The following SYNGR1 variants were observed in gnomAD, a reference collection of about 807,000 sequenced individuals.
SYNGR1 encodes synaptogyrin-1.
Under a neutral mutation model 26.1 loss-of-function variants are expected in SYNGR1, and 14 were observed. The ratio of observed to expected loss-of-function variants is 0.54; its 90% CI spans 0.35 to 0.84. The LOEUF (loss-of-function observed/expected upper bound fraction) is 0.84. Among genes scored for constraint, SYNGR1 ranks in the 40% least tolerant of loss-of-function variants. The pLI is 0.01. For missense variants in SYNGR1, 319 were observed against 332.9 expected, an observed-to-expected ratio of 0.96 and a Z score of 0.33; for synonymous variants, 141 against 150.1, an observed-to-expected ratio of 0.94 and a Z score of 0.44.
chr22:39,380,263 A>G (rs556629751), intron 3 of SYNGR1, among the ~76,000 whole-genome samples: 7 of 151,924 alleles, frequency 4.6e-5, no homozygotes, highest in African/African-American at 1.4e-4. Flanking sequence ...GTTTCACTCT[A>G]TTTAACTCAG....
intron 3 of SYNGR1, chr22:39,377,157 C>A: frequency 6.8e-7 from 1 of 1,476,166 alleles, no homozygotes; most frequent in South Asian, 1.4e-5. Context: ...GGCCGCCAGC[C>A]GTCCCTGTTT....
rs1237109815 is a variant in SYNGR1 at position 39,350,593 on chromosome 22, G to A, written c.99+484G>A. Among the ~76,000 whole-genome samples, 1 of 152,164 alleles carries A rather than the reference G, an allele frequency of 6.6e-6. No individual in the cohort carries two copies. On this transcript the variant is annotated intron_variant, in intron 1 of 3. Coordinates refer to ENST00000328933, the MANE Select transcript of SYNGR1 (RefSeq NM_004711.5). This position sits in a 1 kb window ranked among gnomAD's most constrained non-coding sequence, Gnocchi z 4.3. ...GAGGAGAGGGCCGGGAACCGGGTTC[G>A]TATTGCCTAGCCCGGCCCGTGTGGA...
At chr22:39,352,237 C>T (rs1304110008) in intron 1 of SYNGR1, among the ~76,000 whole-genome samples, 4 of 152,244 alleles carry the variant, frequency 2.6e-5, no homozygotes, top group Non-Finnish European at 5.9e-5. Flanking sequence ...AACGACCCCA[C>T]AGCCTCCCAG....
chr22:39,378,851 G>T (rs1247832830), intron 3 of SYNGR1, among the ~76,000 whole-genome samples: 2 of 152,186 alleles, frequency 1.3e-5, no homozygotes, highest in Non-Finnish European at 2.9e-5. Context: ...CTGTCTTGTG[G>T]CCCCTTAAAC....
rs547883021 is a variant in SYNGR1, at chr22:39,375,533, C to T, written c.338-519C>T. The stretch of plus-strand genomic sequence containing the variant: ...TGTGGGGTCGCAGCACGTTAGAAGT[C>T]GAAGCCCAGACCCACCCAGCCAAGC... On this transcript the variant is annotated intron_variant, in intron 2 of 3. Transcript: ENST00000328933. The T allele has an allele frequency of 3.2e-5, 8 of 250,630 alleles. No homozygotes were observed. The South Asian group carries it at 6.5e-4, about 20-fold the overall frequency. The allele number at this position is 250,630 out of a possible 1,614,324, so 15.5% of individuals were successfully genotyped here. A position where few individuals can be genotyped will look rare whatever the true frequency, so the allele number is the denominator to read the frequency against.
Position 39,381,903 on chromosome 22 carries a change from C to T in SYNGR1, c.691C>T (p.Gln231Ter), listed in dbSNP as rs755677868. The T allele has an allele frequency of 1.9e-6, 3 of 1,611,176 alleles. No homozygotes were observed. The highest frequency in any genetic ancestry group is 2.5e-6 in the Non-Finnish European group (3 of 1,179,206). Residue 231 changes from glutamine (Q) to a stop codon, truncating the protein, a stop_gained, in exon 4 of 4, where the codon CAG becomes TAG. Transcript: ENST00000328933. LOFTEE classifies it high-confidence loss of function. Reference protein sequence around the residue: ...FDTEPQGYQSQGY With the variant: ...FDTEPQGYQS Reference sequence around the variant, plus strand: ...CACCGAGCCCCAGGGCTACCAGTCGCAGGGCTACTGAGCCACAGTGACCGC... The same window carrying T: ...CACCGAGCCCCAGGGCTACCAGTCGTAGGGCTACTGAGCCACAGTGACCGC...
intron 1 of SYNGR1, among the ~76,000 whole-genome samples, chr22:39,361,089 G>T (rs1924450798): frequency 6.6e-6 from 1 of 152,192 alleles, no homozygotes; most frequent in Admixed American, 6.5e-5. Flanking sequence ...AGCCTTCCTG[G>T]ATTCTCCCAA....
intron 3 of SYNGR1, among the ~76,000 whole-genome samples, chr22:39,380,200 C>T (rs896397851): frequency 3.3e-5 from 5 of 149,940 alleles, no homozygotes; most frequent in South Asian, 2.1e-4. Context: ...TCAGGCTAGG[C>T]GCGGTCACAT....
intron 1 of SYNGR1, among the ~76,000 whole-genome samples, chr22:39,369,739 G>A (rs1337975307): frequency 6.6e-6 from 1 of 152,224 alleles, no homozygotes; most frequent in Admixed American, 6.5e-5. Flanking sequence ...GTGATGGTGA[G>A]GCTGCAGAGC....
At chr22:39,376,915 C>T in intron 3 of SYNGR1, 6 of 1,536,266 alleles carry the variant, frequency 3.9e-6, no homozygotes, top group Non-Finnish European at 5.3e-6. Flanking sequence ...CAAAGTATGT[C>T]TCTGGGCCCA....
chr22:39,374,593 C>T, intron 2 of SYNGR1, 40 bp downstream of exon 2: 2 of 1,600,378 alleles, frequency 1.2e-6, no homozygotes, highest in African/African-American at 1.3e-5. Flanking sequence ...ACAGAGTCTA[C>T]AGAGGGCTGT....
intron 1 of SYNGR1, among the ~76,000 whole-genome samples, chr22:39,366,519 G>A (rs940136370): frequency 1.1e-4 from 17 of 151,998 alleles, no homozygotes; most frequent in African/African-American, 2.4e-4. Context: ...AGGAGCGCAC[G>A]GCTATAATCC....
At chr22:39,356,348 C>T (rs1924143671) in intron 1 of SYNGR1, among the ~76,000 whole-genome samples, 1 of 152,198 alleles carries the variant, frequency 6.6e-6, no homozygotes, top group Non-Finnish European at 1.5e-5. Flanking sequence ...AGCCATCTTG[C>T]CTGGCCTGAA....
intron 1 of SYNGR1, among the ~76,000 whole-genome samples, chr22:39,373,593 C>T (rs1406972945): frequency 6.6e-6 from 1 of 152,060 alleles, no homozygotes; most frequent in Non-Finnish European, 1.5e-5. Flanking sequence ...AGAGATCCTC[C>T]CCCTCATCTT....
At chr22:39,368,658 T>TCCTC (rs919596273) in intron 1 of SYNGR1, among the ~76,000 whole-genome samples, 13 of 152,198 alleles carry the variant, frequency 8.5e-5, no homozygotes, top group African/African-American at 3.1e-4. Flanking sequence ...TCTTAATGGT[T>TCCTC]CCTCCTCTGC....
intron 1 of SYNGR1, among the ~76,000 whole-genome samples, chr22:39,373,509 G>C (rs1314914989): frequency 6.6e-6 from 1 of 151,228 alleles, no homozygotes; most frequent in African/African-American, 2.4e-5. Flanking sequence ...TTGAGACAGA[G>C]CCTCTCTCTG....
chr22:39,368,877 G>T (rs1924892704), intron 1 of SYNGR1, among the ~76,000 whole-genome samples: 1 of 152,204 alleles, frequency 6.6e-6, no homozygotes, highest in Admixed American at 6.5e-5. Context: ...CTTTTCTGGG[G>T]CCTTGAGAGA....
chr22:39,368,570 T>C (rs553869483), intron 1 of SYNGR1, among the ~76,000 whole-genome samples: 2 of 152,300 alleles, frequency 1.3e-5, no homozygotes, highest in East Asian at 3.9e-4. Context: ...CTGCACCCTC[T>C]TGGGGACACA....
chr22:39,374,576 C>G, intron 2 of SYNGR1, 23 bp downstream of exon 2: 2 of 1,610,658 alleles, frequency 1.2e-6, no homozygotes, highest in South Asian at 1.1e-5. Context: ...CAGCAGGTAC[C>G]CCCTGCACAG....
Sources: gnomAD v4.1 joint callset for allele counts (sites outside exome capture counted in the v4.1 genomes callset) on GRCh38, gnomAD v4.1.1 for gene constraint, Gnocchi (gnomAD v3.1) non-coding constraint, MANE v1.5 for transcripts, NCBI Gene and HGNC (gene_info 2026-07-23, HGNC 2026-07-21) for gene names.